NALCN: variants seen among roughly 807,000 people sequenced by gnomAD.
The protein encoded by NALCN is sodium leak channel, non-selective, also known as sodium leak channel NALCN.
NALCN carries 111 observed loss-of-function variants against 225.3 expected under a neutral mutation model. The observed-to-expected ratio is 0.49, with a 90% CI of 0.42 to 0.58. The LOEUF is 0.58. Among genes scored for constraint, NALCN ranks in the 20% least tolerant of loss-of-function variants. The pLI is 0.00. For missense variants in NALCN, 1,378 were observed against 2,202.4 expected (o/e 0.63, Z 7.49); for synonymous variants, 764 against 769.0 (o/e 0.99, Z 0.11).
chr13:101,304,971 G>A (rs1477699147), intron 7 of NALCN, among the ~76,000 whole-genome samples: 1 of 151,730 alleles, frequency 6.6e-6, no homozygotes, highest in Non-Finnish European at 1.5e-5. Context: ...TGGCCAGACT[G>A]GTCTTGATCT....
intron 7 of NALCN, among the ~76,000 whole-genome samples, chr13:101,313,554 C>CA (rs2044436197): frequency 6.6e-6 from 1 of 152,110 alleles, no homozygotes; most frequent in East Asian, 1.9e-4. Context: ...TTTATGCAGC[C>CA]AAAAAACACA....
rs141552491 is a variant in NALCN at position 101,244,899 on chromosome 13, C to T, written c.1267-6977G>A. ...CTCCAGATTATTGCAGTGAACTCAA[C>T]CTTGATGGTAGCTGGACAGGGTGGA... On this transcript the variant is annotated intron_variant, in intron 11 of 43. Transcript: ENST00000251127. 5.6e-3 allele frequency among the ~76,000 whole-genome samples: 857 copies of T among 152,304 alleles called. 6 individuals are homozygous for T. The highest frequency in any genetic ancestry group is 9.8e-3 in the Non-Finnish European group (668 of 68,032).
At chr13:101,366,259 T>G (rs1355776943) in intron 6 of NALCN, among the ~76,000 whole-genome samples, 1 of 152,196 alleles carries the variant, frequency 6.6e-6, no homozygotes, top group African/African-American at 2.4e-5. Context: ...GTACTGCTAC[T>G]GAAGACATAA....
At chr13:101,274,769 A>T (rs2042917334) in intron 10 of NALCN, among the ~76,000 whole-genome samples, 1 of 152,158 alleles carries the variant, frequency 6.6e-6, no homozygotes, top group African/African-American at 2.4e-5. Flanking sequence ...TTCAGGTGAG[A>T]CTGTAATAGC....
chr13:101,282,826 A>G (rs2043211774), intron 10 of NALCN, among the ~76,000 whole-genome samples: 1 of 152,216 alleles, frequency 6.6e-6, no homozygotes, highest in South Asian at 2.1e-4. Context: ...AGAAACAAAA[A>G]GAAGTAAATA....
rs2030878573 is a variant in NALCN at position 101,053,931 on chromosome 13, C to T, written c.*1364G>A. 1 of 152,062 alleles carries T rather than the reference C, an allele frequency of 6.6e-6. No individual in the cohort carries two copies. Among genetic ancestry groups the T allele is most frequent in the Non-Finnish European group, 1.5e-5 (1 of 68,024 alleles). The allele number at this position is 152,062 out of a possible 1,614,324, so 9.4% of individuals were successfully genotyped here. A position where few individuals can be genotyped will look rare whatever the true frequency, so the allele number is the denominator to read the frequency against. Reference sequence around the variant, plus strand: ...TATAAACTGTAGACTGCCACTACCACGATACTTCTGTGACACAGAAGGAAT... The same window carrying T: ...TATAAACTGTAGACTGCCACTACCATGATACTTCTGTGACACAGAAGGAAT... On this transcript the variant is annotated 3_prime_UTR_variant, in exon 44 of 44. Transcript: ENST00000251127.
chr13:101,091,898 T>C (rs1182500062), intron 28 of NALCN, among the ~76,000 whole-genome samples: 8 of 152,172 alleles, frequency 5.3e-5, no homozygotes, highest in Non-Finnish European at 4.4e-5. Context: ...TAAAACAAAA[T>C]GTAGCATCAA....
intron 17 of NALCN, among the ~76,000 whole-genome samples, chr13:101,127,333 T>A (rs1035432809): frequency 2.6e-5 from 4 of 152,084 alleles, no homozygotes; most frequent in African/African-American, 9.7e-5. Flanking sequence ...TAGAAAAACA[T>A]CAGATTTAGC....
At chr13:101,154,217 C>G (rs2037792890) in intron 15 of NALCN, among the ~76,000 whole-genome samples, 1 of 152,176 alleles carries the variant, frequency 6.6e-6, no homozygotes, top group African/African-American at 2.4e-5. Flanking sequence ...GTCCATGGAG[C>G]TTCAATTAGC....
intron 14 of NALCN, 52 bp downstream of exon 14, chr13:101,191,865 T>C (rs2039694315): frequency 6.4e-7 from 1 of 1,568,332 alleles, no homozygotes; most frequent in Non-Finnish European, 8.6e-7. Context: ...CTGTTGATGT[T>C]CATCCCATTA....
At chr13:101,250,668 AC>A (rs2042036029) in intron 11 of NALCN, among the ~76,000 whole-genome samples, 2 of 152,010 alleles carry the variant, frequency 1.3e-5, no homozygotes, top group Non-Finnish European at 2.9e-5. Context: ...GTCTTTAATG[AC>A]TCTGGTATAG....
Position 101,075,917 on chromosome 13 carries a change from C to T in NALCN, c.3910G>A (p.Ala1304Thr). ...LLNAYTYMMG[A>T]CVIVFRFFSI... ...AAAAACCTAAATACAATCACACAAG[C>T]GCCCATCATGTAAGTATATGCATTC... The change falls in exon 35 of 44, where the codon GCT becomes ACT. Residue 1304 changes from alanine (A) to threonine (T), a missense_variant. Transcript: ENST00000251127. 2 of 1,610,192 alleles carry T rather than the reference C, an allele frequency of 1.2e-6. No individual in the cohort carries two copies. The highest frequency in any genetic ancestry group is 2.2e-5 in the East Asian group (1 of 44,596).
chr13:101,395,429 A>G, intron 2 of NALCN, 64 bp from the exon 3 acceptor site: 2 of 1,502,976 alleles, frequency 1.3e-6, no homozygotes, highest in South Asian at 1.3e-5. Context: ...TGTATTATGA[A>G]CCACACTAAG....
chr13:101,120,535 A>G (rs77128058), intron 18 of NALCN, among the ~76,000 whole-genome samples: 1 of 148,520 alleles, frequency 6.7e-6, no homozygotes, highest in East Asian at 1.9e-4. Flanking sequence ...AAAAAAAAAA[A>G]CCACTATAAA....
intron 14 of NALCN, among the ~76,000 whole-genome samples, chr13:101,182,257 A>T (rs2039269696): frequency 6.6e-6 from 1 of 151,974 alleles, no homozygotes; most frequent in Non-Finnish European, 1.5e-5. Flanking sequence ...GGACAGAGAG[A>T]GCCACGGCAT....
intron 7 of NALCN, among the ~76,000 whole-genome samples, chr13:101,309,663 C>T (rs1182140232): frequency 6.6e-6 from 1 of 152,150 alleles, no homozygotes; most frequent in Non-Finnish European, 1.5e-5. Context: ...CAAATTTGAT[C>T]ATTTTACTTT....
At chr13:101,284,074 A>T in intron 9 of NALCN, 55 bp from the exon 10 acceptor site, 16 of 1,405,458 alleles carry the variant, frequency 1.1e-5, no homozygotes, top group Non-Finnish European at 1.4e-5. Flanking sequence ...AACATTGAGA[A>T]CTCTATGTCT....
At position 101,089,347 on chromosome 13, in the gene NALCN, C is replaced by T. The variant is rs144887167; in HGVS notation, c.3489+316G>A. Among the ~76,000 whole-genome samples the T allele has an allele frequency of 1.4e-3, 209 of 152,300 alleles. 2 individuals carry two copies. Among genetic ancestry groups the T allele is most frequent in the South Asian group, 2.7e-3 (13 of 4,826 alleles). ...AATATTACCTGTAATTAGCGAATCACTTTCATCTATTGTATTTTAATAACT... is the reference window on the plus strand; with the variant it reads ...AATATTACCTGTAATTAGCGAATCATTTTCATCTATTGTATTTTAATAACT... On this transcript the variant is annotated intron_variant, in intron 30 of 43. Coordinates refer to ENST00000251127, the MANE Select transcript of NALCN (RefSeq NM_052867.4). This position sits in a 1 kb window ranked among gnomAD's most constrained non-coding sequence, Gnocchi z 4.7.
chr13:101,212,013 A>T (rs542136211), intron 13 of NALCN, among the ~76,000 whole-genome samples: 35 of 152,128 alleles, frequency 2.3e-4, no homozygotes, highest in African/African-American at 6.7e-4. Flanking sequence ...ATAAAGTAAA[A>T]ATCTTCAAAA....
Sources: gnomAD v4.1 joint callset for allele counts (sites outside exome capture counted in the v4.1 genomes callset) on GRCh38, gnomAD v4.1.1 for gene constraint, Gnocchi (gnomAD v3.1) non-coding constraint, MANE v1.5 for transcripts, NCBI Gene and HGNC (gene_info 2026-07-23, HGNC 2026-07-21) for gene names.